The following ZNHIT3 variants were observed in gnomAD, a reference collection of about 807,000 sequenced individuals.
ZNHIT3 encodes zinc finger HIT domain-containing protein 3.
Under a neutral mutation model 19.9 loss-of-function variants are expected in ZNHIT3, and 27 were observed. The ratio of observed to expected loss-of-function variants is 1.36; its 90% CI spans 1.00 to 1.87. ZNHIT3 has a LOEUF of 1.87. Ranked by LOEUF, ZNHIT3 falls within the 40% of genes most tolerant of loss-of-function variation. ZNHIT3 has a pLI of 0.00. For missense variants in ZNHIT3, 215 were observed against 185.6 expected, an observed-to-expected ratio of 1.16 and a Z score of -0.92; for synonymous variants, 81 against 65.7, an observed-to-expected ratio of 1.23 and a Z score of -1.13.
At chr17:36,487,108 CCT>C (rs2070582168) in intron 2 of ZNHIT3, 142 bp downstream of exon 2, 1 of 1,140,368 alleles carries the variant, frequency 8.8e-7, no homozygotes, top group African/African-American at 1.6e-5. Flanking sequence ...AACCTTGCTT[CCT>C]CTGACTTGGT....
intron 4 of ZNHIT3, among the ~76,000 whole-genome samples, 193 bp downstream of exon 4, chr17:36,494,199 C>T (rs889389500): frequency 3.9e-5 from 6 of 152,182 alleles, no homozygotes; most frequent in Admixed American, 2.6e-4. Context: ...GCCTGGAATC[C>T]TGCTGGTCTT....
At chr17:36,494,985 G>A (rs967888712) in intron 4 of ZNHIT3, among the ~76,000 whole-genome samples, 2 of 152,136 alleles carry the variant, frequency 1.3e-5, no homozygotes, top group Admixed American at 1.3e-4. Flanking sequence ...AGTTTGATAT[G>A]CTGGTCTTAC....
intron 2 of ZNHIT3, chr17:36,491,934 C>A (rs1045196532): frequency 3.3e-5 from 5 of 152,180 alleles, no homozygotes; most frequent in African/African-American, 1.2e-4. Context: ...TTAATCCTTT[C>A]ATCTGTAAGT....
downstream of ZNHIT3, chr17:36,498,215 C>T: frequency 6.4e-7 from 1 of 1,565,122 alleles, no homozygotes; most frequent in Non-Finnish European, 8.7e-7. Context: ...GTAGGCTTTG[C>T]TCCTGCTGTT....
At position 36,495,414 on chromosome 17, in the gene ZNHIT3, TTGTGCTGCTTGCTCAAGCG is replaced by T. The variant is rs1423434822; in HGVS notation, c.*17_*35del. 1 of 1,580,744 alleles carries T rather than the reference TTGTGCTGCTTGCTCAAGCG, an allele frequency of 6.3e-7. No individual in the cohort carries two copies. The highest frequency in any genetic ancestry group is 8.6e-7 in the Non-Finnish European group (1 of 1,164,910). On this transcript the variant is annotated 3_prime_UTR_variant, in exon 5 of 5. Coordinates refer to ENST00000617429, the MANE Select transcript of ZNHIT3 (RefSeq NM_004773.4). The stretch of plus-strand genomic sequence containing the variant: ...GAATGAGGAGTCTTAAGATGGATTA[TTGTGCTGCTTGCTCAAGCG>T]TGTGCTTGACTCCTGGAACCTGCCT...
chr17:36,489,149 A>G (rs1291080219), intron 2 of ZNHIT3: 1 of 152,124 alleles, frequency 6.6e-6, no homozygotes, highest in African/African-American at 2.4e-5. Flanking sequence ...ATGGTTTTTT[A>G]TGGCTAATAT....
At chr17:36,487,823 G>C (rs2070615281) in intron 2 of ZNHIT3, among the ~76,000 whole-genome samples, 1 of 150,976 alleles carries the variant, frequency 6.6e-6, no homozygotes, top group African/African-American at 2.4e-5. Context: ...TTTGATGTAG[G>C]TGGGGCGCGG....
At chr17:36,487,442 G>GA (rs1380610049) in intron 2 of ZNHIT3, among the ~76,000 whole-genome samples, 1 of 152,160 alleles carries the variant, frequency 6.6e-6, no homozygotes, top group East Asian at 1.9e-4. Context: ...TTTGTTAAGA[G>GA]AAAAAAAGAA....
downstream of ZNHIT3, chr17:36,496,077 C>A (rs2070938666): frequency 2.2e-6 from 2 of 928,634 alleles, no homozygotes; most frequent in African/African-American, 1.7e-5. Flanking sequence ...AGCCTGGAAC[C>A]CCAGGCCCAC....
At chr17:36,492,558 G>T (rs992473836) in intron 2 of ZNHIT3, 11 of 482,846 alleles carry the variant, frequency 2.3e-5, no homozygotes, top group East Asian at 6.8e-5. Context: ...TGAGAATTTT[G>T]TAAGATTCGG....
At chr17:36,489,884 G>A (rs1482693224) in intron 2 of ZNHIT3, 1 of 151,422 alleles carries the variant, frequency 6.6e-6, no homozygotes, top group Non-Finnish European at 1.5e-5. Flanking sequence ...CCTCCCAAAG[G>A]GCTGGGATTA....
In ZNHIT3 at chr17:36,495,420, T is replaced by C. The variant is rs1234886921; in HGVS notation, c.*16T>C. 3 of 1,577,640 alleles carry C rather than the reference T, an allele frequency of 1.9e-6. No homozygotes were observed. The highest frequency in any genetic ancestry group is 2.6e-6 in the Non-Finnish European group (3 of 1,163,018). On this transcript the variant is annotated 3_prime_UTR_variant, in exon 5 of 5. Coordinates refer to ENST00000617429, the MANE Select transcript of ZNHIT3 (RefSeq NM_004773.4). Reference sequence around the variant, plus strand: ...GGAGTCTTAAGATGGATTATTGTGCTGCTTGCTCAAGCGTGTGCTTGACTC... The same window carrying C: ...GGAGTCTTAAGATGGATTATTGTGCCGCTTGCTCAAGCGTGTGCTTGACTC...
At chr17:36,497,422 T>C (rs2071089973), downstream of ZNHIT3, among the ~76,000 whole-genome samples, 1 of 151,750 alleles carries the variant, frequency 6.6e-6, no homozygotes, top group Non-Finnish European at 1.5e-5. Flanking sequence ...GGGGAAAACA[T>C]GGTGCCAAAT....
downstream of ZNHIT3, chr17:36,496,355 A>T: frequency 1.7e-5 from 28 of 1,614,042 alleles, no homozygotes; most frequent in Non-Finnish European, 2.4e-5. Context: ...GGTTCAGGGC[A>T]GATGTCAGCA....
At chr17:36,493,853 C>G (rs2277662) in intron 3 of ZNHIT3, 73 bp from the exon 4 acceptor site, 151,395 of 1,018,156 alleles carry the variant, frequency 0.15, 13,494 homozygotes, top group African/African-American at 0.32. Flanking sequence ...TTATCCTGTT[C>G]AAGTAGTGGT....
At chr17:36,496,840 A>G (rs1031895066), downstream of ZNHIT3, among the ~76,000 whole-genome samples, 1 of 152,148 alleles carries the variant, frequency 6.6e-6, no homozygotes, top group African/African-American at 2.4e-5. Flanking sequence ...CTCCGAGAAA[A>G]TGTGTCTTAG....
At chr17:36,498,307 G>T (rs778418506), downstream of ZNHIT3, 4 of 1,613,918 alleles carry the variant, frequency 2.5e-6, no homozygotes, top group Non-Finnish European at 2.5e-6. Context: ...GCCTGGTCTT[G>T]TGCTGTCTGG....
chr17:36,488,165 CT>C (rs200159340), intron 2 of ZNHIT3, among the ~76,000 whole-genome samples: 19 of 143,722 alleles, frequency 1.3e-4, no homozygotes, highest in Non-Finnish European at 1.5e-4. Flanking sequence ...ATATATAGAA[CT>C]TTTTTTTTTA....
downstream of ZNHIT3, chr17:36,496,370 G>A (rs765344804): frequency 3.4e-5 from 55 of 1,613,868 alleles, no homozygotes; most frequent in Non-Finnish European, 4.2e-5. Context: ...TCAGCATACC[G>A]CAGTGGAGAC....
Sources: gnomAD v4.1 joint callset for allele counts (sites outside exome capture counted in the v4.1 genomes callset) on GRCh38, gnomAD v4.1.1 for gene constraint, MANE v1.5 for transcripts, NCBI Gene and HGNC (gene_info 2026-07-23, HGNC 2026-07-21) for gene names.